The following PTPRD variants were observed in gnomAD, a reference collection of about 807,000 sequenced individuals.
PTPRD encodes receptor-type tyrosine-protein phosphatase delta.
Under a neutral mutation model 214.5 loss-of-function variants are expected in PTPRD, and 34 were observed. The observed-to-expected ratio is 0.16, with a 90% CI of 0.12 to 0.21. The LOEUF (loss-of-function observed/expected upper bound fraction) is 0.21. Among genes scored for constraint, PTPRD ranks in the 10% least tolerant of loss-of-function variants. The pLI is 1.00. For synonymous variants in PTPRD, 1,128 were observed against 845.7 expected (o/e 1.33, Z -5.79); for missense variants, 2,545 against 2,398.7 (o/e 1.06, Z -1.27).
At chr9:10,397,769 G>T (rs575004805) in intron 2 of PTPRD, among the ~76,000 whole-genome samples, 1 of 152,042 alleles carries the variant, frequency 6.6e-6, no homozygotes, top group South Asian at 2.1e-4. Flanking sequence ...AAGAAAAGGG[G>T]TATTTGAGCT....
At chr9:9,968,658 T>C (rs1384406036) in intron 4 of PTPRD, among the ~76,000 whole-genome samples, 1 of 152,132 alleles carries the variant, frequency 6.6e-6, no homozygotes, top group African/African-American at 2.4e-5. Context: ...AGTTCCTTTC[T>C]TTATGAATTC....
intron 8 of PTPRD, among the ~76,000 whole-genome samples, chr9:9,467,723 T>C (rs529486012): frequency 6.6e-6 from 1 of 152,184 alleles, no homozygotes; most frequent in African/African-American, 2.4e-5. Flanking sequence ...CTATAGTTTA[T>C]CTTTTAAAAA....
At chr9:10,406,773 G>A (rs558966894) in intron 2 of PTPRD, among the ~76,000 whole-genome samples, 19 of 150,968 alleles carry the variant, frequency 1.3e-4, no homozygotes, top group African/African-American at 4.6e-4. Flanking sequence ...TGTCAGCATG[G>A]GTGAGCAAGA....
intron 25 of PTPRD, 115 bp downstream of exon 25, chr9:8,499,532 G>C: frequency 9.3e-7 from 1 of 1,078,854 alleles, no homozygotes; most frequent in Non-Finnish European, 1.3e-6. Context: ...ATGAAAACTA[G>C]AATTTTGTAT....
At chr9:9,400,020 T>G (rs1698997608) in intron 8 of PTPRD, among the ~76,000 whole-genome samples, 1 of 151,518 alleles carries the variant, frequency 6.6e-6, no homozygotes, top group African/African-American at 2.4e-5. Flanking sequence ...TTGTTATAAT[T>G]ATTAATACCT....
intron 5 of PTPRD, among the ~76,000 whole-genome samples, chr9:9,924,889 T>G (rs1303061789): frequency 6.6e-6 from 1 of 152,116 alleles, no homozygotes; most frequent in Non-Finnish European, 1.5e-5. Context: ...TGAAGCACCT[T>G]CTGTCCTTGC....
chr9:9,956,343 TTTAA>T lies in PTPRD; in HGVS notation c.-471-17737_-471-17734del, dbSNP rs1429548011. Among the ~76,000 whole-genome samples, 5 of 151,594 alleles carry T rather than the reference TTTAA, an allele frequency of 3.3e-5. No homozygotes were observed. In the East Asian group the frequency reaches 9.7e-4, roughly 29 times the overall value. On this transcript the variant is annotated intron_variant, in intron 4 of 45. Coordinates refer to ENST00000381196, the MANE Select transcript of PTPRD (RefSeq NM_002839.4). Reference sequence around the variant, plus strand: ...TTATGAGACAAAAGTAGTGTAGTGATTTAATTGAGGCTGAGAGTCAGATGATCAG... The same window carrying T: ...TTATGAGACAAAAGTAGTGTAGTGATTTGAGGCTGAGAGTCAGATGATCAG...
intron 10 of PTPRD, among the ~76,000 whole-genome samples, chr9:9,039,008 T>C (rs1321443287): frequency 6.6e-6 from 1 of 152,156 alleles, no homozygotes; most frequent in Non-Finnish European, 1.5e-5. Flanking sequence ...TGAGCACCCC[T>C]ATCTCCCACA....
intron 4 of PTPRD, among the ~76,000 whole-genome samples, chr9:10,005,755 T>C (rs765875643): frequency 9.9e-5 from 15 of 152,060 alleles, no homozygotes; most frequent in Non-Finnish European, 1.6e-4. Flanking sequence ...ACATAGTCTT[T>C]AACCCAGTTA....
At chr9:10,528,520 T>C (rs1483949421) in intron 2 of PTPRD, among the ~76,000 whole-genome samples, 1 of 152,168 alleles carries the variant, frequency 6.6e-6, no homozygotes. Flanking sequence ...TTTAGGAATA[T>C]ATATTCTATT....
At chr9:8,494,027 C>T (rs2097206445) in intron 26 of PTPRD, among the ~76,000 whole-genome samples, 1 of 151,290 alleles carries the variant, frequency 6.6e-6, no homozygotes, top group Admixed American at 6.6e-5. Context: ...CACACACACA[C>T]ACACACACAC....
At chr9:9,925,217 A>C (rs1452650543) in intron 5 of PTPRD, among the ~76,000 whole-genome samples, 1 of 152,158 alleles carries the variant, frequency 6.6e-6, no homozygotes, top group African/African-American at 2.4e-5. Context: ...GAGAGGCAGT[A>C]GTTGCCCATG....
chr9:9,645,176 C>A (rs893537641), intron 7 of PTPRD, among the ~76,000 whole-genome samples: 1 of 152,196 alleles, frequency 6.6e-6, no homozygotes, highest in African/African-American at 2.4e-5. Context: ...CAGGAAAGGG[C>A]TTGAGCCACA....
At chr9:9,766,145 T>C (rs2098705299) in intron 6 of PTPRD, among the ~76,000 whole-genome samples, 1 of 152,182 alleles carries the variant, frequency 6.6e-6, no homozygotes. Flanking sequence ...CTATGTAACG[T>C]TTATTCATCT....
intron 8 of PTPRD, among the ~76,000 whole-genome samples, chr9:9,439,323 G>A (rs2144194876): frequency 6.6e-6 from 1 of 152,234 alleles, no homozygotes; most frequent in East Asian, 1.9e-4. Flanking sequence ...AACATACTCT[G>A]ATGAAGATAC....
chr9:8,973,533 C>T (rs1000021858), intron 11 of PTPRD, among the ~76,000 whole-genome samples: 2 of 151,982 alleles, frequency 1.3e-5, no homozygotes, highest in Non-Finnish European at 2.9e-5. Flanking sequence ...CATATGAGTG[C>T]ATGTGTCTTT....
At chr9:10,104,343 T>C (rs1042880811) in intron 3 of PTPRD, among the ~76,000 whole-genome samples, 1 of 151,760 alleles carries the variant, frequency 6.6e-6, no homozygotes, top group Non-Finnish European at 1.5e-5. Context: ...ATATACATTT[T>C]ATAATTAAAA....
intron 10 of PTPRD, among the ~76,000 whole-genome samples, chr9:9,055,735 T>C (rs1260894273): frequency 6.6e-6 from 1 of 150,830 alleles, no homozygotes; most frequent in East Asian, 1.9e-4. Context: ...ATTTTATGTA[T>C]TTTAGATGTA....
At chr9:9,510,714 C>G (rs186153453) in intron 8 of PTPRD, among the ~76,000 whole-genome samples, 1 of 151,064 alleles carries the variant, frequency 6.6e-6, no homozygotes, top group Non-Finnish European at 1.5e-5. Flanking sequence ...CCTATTTGGG[C>G]GGCCTCACCA....
Sources: allele counts gnomAD v4.1 joint callset (sites outside exome capture counted in the v4.1 genomes callset), GRCh38; gene constraint gnomAD v4.1.1; transcripts MANE v1.5; gene names NCBI Gene and HGNC (gene_info 2026-07-23, HGNC 2026-07-21).